The following PTPRT variants were observed in gnomAD, a reference collection of about 807,000 sequenced individuals.
PTPRT encodes receptor-type tyrosine-protein phosphatase T.
Under a neutral mutation model 176.8 loss-of-function variants are expected in PTPRT, and 56 were observed. The ratio of observed to expected loss-of-function variants is 0.32; its 90% confidence interval spans 0.26 to 0.40. The LOEUF (loss-of-function observed/expected upper bound fraction) is 0.40. Ranked by LOEUF, PTPRT falls within the 10% of genes least tolerant of loss-of-function variation. The probability of loss-of-function intolerance (pLI) is 1.00; values close to 1 mark genes in which losing one functional copy is unlikely to be tolerated. For missense variants in PTPRT, 1,540 were observed against 1,908.2 expected, an observed-to-expected ratio of 0.81 and a Z score of 3.60; for synonymous variants, 783 against 739.0, an observed-to-expected ratio of 1.06 and a Z score of -0.96.
At chr20:42,872,743 G>A (rs1568650469) in intron 2 of PTPRT, among the ~76,000 whole-genome samples, 1 of 152,176 alleles carries the variant, frequency 6.6e-6, no homozygotes, top group Non-Finnish European at 1.5e-5. Context: ...GATGATGTGT[G>A]GCCCAAGGTC....
chr20:42,181,527 A>T (rs73260986), intron 16 of PTPRT, among the ~76,000 whole-genome samples: 1 of 152,130 alleles, frequency 6.6e-6, no homozygotes, highest in East Asian at 1.9e-4. Flanking sequence ...TCCTCCCTCA[A>T]CCTTCCTCTA....
At position 42,149,002 on chromosome 20, in the gene PTPRT, T is replaced by C. The variant is rs34030162; in HGVS notation, c.2683-7000A>G. ...CAGCAAACACAGCCCACATTCTGAG[T>C]CCTTCCTAACATCCTCTTCCTGAAA... On this transcript the variant is annotated intron_variant, in intron 17 of 30. Transcript: ENST00000373187. Among the ~76,000 whole-genome samples, 799 of 152,206 alleles carry C rather than the reference T, an allele frequency of 5.2e-3. 6 individuals carry two copies. The highest frequency in any genetic ancestry group is 0.024 in the East Asian group (124 of 5,172).
At chr20:43,067,516 A>AT (rs2011123283) in intron 1 of PTPRT, among the ~76,000 whole-genome samples, 2 of 152,180 alleles carry the variant, frequency 1.3e-5, no homozygotes, top group Admixed American at 1.3e-4. Flanking sequence ...AAAATATGTA[A>AT]TTTTTTAAAA....
chr20:42,309,041 C>A (rs942120193), intron 12 of PTPRT, among the ~76,000 whole-genome samples: 5 of 152,186 alleles, frequency 3.3e-5, no homozygotes, highest in South Asian at 2.1e-4. Flanking sequence ...CTACTTCCCA[C>A]TTCTCTTATT....
chr20:42,363,286 ATATATATATATATATTTT>A (rs1402753001), intron 9 of PTPRT, among the ~76,000 whole-genome samples: 9 of 29,318 alleles, frequency 3.1e-4, no homozygotes, highest in African/African-American at 9.3e-4. Context: ...ATATATATAT[ATATATATATATATATTTT>A]TTTTTTTTTT....
chr20:43,103,750 G>GCAATAATAATAA (rs71335880), intron 1 of PTPRT, among the ~76,000 whole-genome samples: 3 of 146,082 alleles, frequency 2.1e-5, no homozygotes, highest in Non-Finnish European at 4.5e-5. Context: ...GGGGAGATCA[G>GCAATAATAATAA]TAATAATAAT....
At chr20:43,185,545 A>T (rs1193493423) in intron 1 of PTPRT, among the ~76,000 whole-genome samples, 2 of 152,214 alleles carry the variant, frequency 1.3e-5, no homozygotes, top group African/African-American at 4.8e-5. Context: ...AAACCCTTGA[A>T]TGGCCAGATT....
At chr20:42,355,202 C>T (rs1368289183) in intron 9 of PTPRT, among the ~76,000 whole-genome samples, 1 of 152,158 alleles carries the variant, frequency 6.6e-6, no homozygotes, top group Non-Finnish European at 1.5e-5. Context: ...TATACCCCTG[C>T]AAGCTCCCCC....
At chr20:42,327,788 T>C (rs1021539710) in intron 11 of PTPRT, among the ~76,000 whole-genome samples, 11 of 152,016 alleles carry the variant, frequency 7.2e-5, no homozygotes, top group African/African-American at 2.2e-4. Context: ...AAAAGAAAAA[T>C]GACAGATTTG....
chr20:42,270,364 C>CCCCA, intron 13 of PTPRT: 1 of 722,182 alleles, frequency 1.4e-6, no homozygotes. Flanking sequence ...GGGCAACTCT[C>CCCCA]CCCTCCCACC....
At chr20:43,065,803 G>T (rs2011107317) in intron 1 of PTPRT, among the ~76,000 whole-genome samples, 1 of 152,204 alleles carries the variant, frequency 6.6e-6, no homozygotes, top group Non-Finnish European at 1.5e-5. Flanking sequence ...CACGCTGGTT[G>T]AACCAGGCTG....
At chr20:42,982,048 G>T (rs1983313460) in intron 1 of PTPRT, among the ~76,000 whole-genome samples, 1 of 152,202 alleles carries the variant, frequency 6.6e-6, no homozygotes, top group East Asian at 1.9e-4. Context: ...GAAAAGATAT[G>T]TGGGTTTCCT....
chr20:42,423,560 G>A (rs1310755833), intron 9 of PTPRT, among the ~76,000 whole-genome samples: 1 of 152,146 alleles, frequency 6.6e-6, no homozygotes, highest in Non-Finnish European at 1.5e-5. Context: ...TTGGGTTGAT[G>A]CAATGCACCA....
chr20:42,315,707 A>C lies in PTPRT; in HGVS notation c.2139+16T>G, dbSNP rs2057710692. Reference sequence around the variant, plus strand: ...GCAAACAAGGCAAGGAATGGCCTCCATGTGGCCATACTTACTCCATTGGCT... The same window carrying C: ...GCAAACAAGGCAAGGAATGGCCTCCCTGTGGCCATACTTACTCCATTGGCT... On this transcript the variant is annotated intron_variant, in intron 12 of 30. Transcript: ENST00000373187. 2 of 1,607,616 alleles carry C rather than the reference A, an allele frequency of 1.2e-6. No individual in the cohort carries two copies. Among genetic ancestry groups the C allele is most frequent in the Non-Finnish European group, 1.7e-6 (2 of 1,174,666 alleles).
At chr20:42,291,484 C>T (rs1004868880) in intron 12 of PTPRT, among the ~76,000 whole-genome samples, 7 of 152,016 alleles carry the variant, frequency 4.6e-5, no homozygotes, top group African/African-American at 1.7e-4. Context: ...AAGTTTAGTA[C>T]AGTAAACTAA....
At chr20:42,355,751 C>T (rs1337966052) in intron 9 of PTPRT, among the ~76,000 whole-genome samples, 2 of 152,146 alleles carry the variant, frequency 1.3e-5, no homozygotes, top group Admixed American at 6.5e-5. Flanking sequence ...TTTGAAAATT[C>T]TGTCCCCGTC....
At chr20:42,379,672 C>G (rs887981958) in intron 9 of PTPRT, among the ~76,000 whole-genome samples, 1 of 152,240 alleles carries the variant, frequency 6.6e-6, no homozygotes, top group African/African-American at 2.4e-5. Context: ...GAAAATGAAA[C>G]AGACTGGCCG....
intron 7 of PTPRT, among the ~76,000 whole-genome samples, chr20:42,498,482 T>C (rs2071693143): frequency 6.6e-6 from 1 of 152,140 alleles, no homozygotes; most frequent in South Asian, 2.1e-4. Context: ...TAGTGGGTCC[T>C]AAAGGAAATC....
chr20:42,815,743 C>A (rs2077772259), intron 2 of PTPRT, among the ~76,000 whole-genome samples: 1 of 152,136 alleles, frequency 6.6e-6, no homozygotes, highest in Non-Finnish European at 1.5e-5. Flanking sequence ...AAGAGAGAGG[C>A]TGAGTTGACA....
Sources: gnomAD v4.1 joint callset for allele counts (sites outside exome capture counted in the v4.1 genomes callset) on GRCh38, gnomAD v4.1.1 for gene constraint, MANE v1.5 for transcripts, NCBI Gene and HGNC (gene_info 2026-07-23, HGNC 2026-07-21) for gene names.